ARSJ: variants seen among roughly 807,000 people sequenced by gnomAD.
ARSJ encodes the protein arylsulfatase J.
In ARSJ, 26 loss-of-function variants were observed where a neutral mutation model predicts 35.9. The observed-to-expected ratio is 0.72, with a 90% CI of 0.53 to 1.00. The LOEUF is 1.00. Among genes scored for constraint, ARSJ ranks in the 50% least tolerant of loss-of-function variants. The pLI, the probability that ARSJ is intolerant of heterozygous loss-of-function variation, is 0.00. For missense variants in ARSJ, 667 were observed against 723.6 expected (o/e 0.92, Z 0.90); for synonymous variants, 294 against 267.6 (o/e 1.10, Z -0.96).
intron 1 of ARSJ, among the ~76,000 whole-genome samples, chr4:113,929,078 A>C (rs1406680145): frequency 6.6e-6 from 1 of 152,168 alleles, no homozygotes; most frequent in African/African-American, 2.4e-5. Flanking sequence ...GCCCAAATCA[A>C]GAAATTTAGC....
At chr4:113,951,649 G>A (rs1374550144) in intron 1 of ARSJ, among the ~76,000 whole-genome samples, 1 of 152,092 alleles carries the variant, frequency 6.6e-6, no homozygotes, top group Non-Finnish European at 1.5e-5. Flanking sequence ...TAGAAGAGGA[G>A]TTTATTTTAT....
chr4:113,957,799 T>A (rs1288148188), intron 1 of ARSJ, among the ~76,000 whole-genome samples: 1 of 152,084 alleles, frequency 6.6e-6, no homozygotes, highest in East Asian at 1.9e-4. Context: ...TCTACAAGGC[T>A]TAAAACATCT....
At chr4:113,951,077 AAC>A (rs1725835901) in intron 1 of ARSJ, among the ~76,000 whole-genome samples, 3 of 152,094 alleles carry the variant, frequency 2.0e-5, no homozygotes, top group African/African-American at 7.2e-5. Context: ...AGGCATTAGA[AAC>A]CCAGGGCAGT....
chr4:113,965,577 C>T (rs1172173898), intron 1 of ARSJ, among the ~76,000 whole-genome samples: 1 of 151,896 alleles, frequency 6.6e-6, no homozygotes, highest in South Asian at 2.1e-4. Flanking sequence ...TATAGATATA[C>T]ACATATATAG....
intron 1 of ARSJ, among the ~76,000 whole-genome samples, chr4:113,926,317 T>C (rs4266345): frequency 0.72 from 109,773 of 151,828 alleles, 40,235 homozygotes; most frequent in East Asian, 0.81. Flanking sequence ...CAGCCATTTC[T>C]CCTTCCATGC....
intron 1 of ARSJ, among the ~76,000 whole-genome samples, chr4:113,966,318 AT>A (rs1726889538): frequency 6.6e-6 from 1 of 150,378 alleles, no homozygotes; most frequent in Admixed American, 6.7e-5. Flanking sequence ...ACTTATACTC[AT>A]TTATGTGATG....
intron 1 of ARSJ, among the ~76,000 whole-genome samples, chr4:113,912,991 T>G (rs554521934): frequency 6.6e-6 from 1 of 152,238 alleles, no homozygotes; most frequent in African/African-American, 2.4e-5. Flanking sequence ...GGATTAAATA[T>G]AAATGTCAAA....
chr4:113,972,326 A>G lies in ARSJ; in HGVS notation c.398+6111T>C, dbSNP rs144650264. ...AAAAAACAAAAAAAAAAACCCCACC[A>G]TGATTTTCATCCCTATTTATTTAAG... is the stretch of plus-strand genomic sequence containing the variant. On this transcript the variant is annotated intron_variant, in intron 1 of 1. Coordinates refer to ENST00000315366, the MANE Select transcript of ARSJ (RefSeq NM_024590.4). Among the ~76,000 whole-genome samples, 19 of 143,864 alleles carry G rather than the reference A, an allele frequency of 1.3e-4. No individual in the cohort carries two copies. In the East Asian group the frequency reaches 3.8e-3, roughly 29 times the overall value. 94.4% of individuals were successfully genotyped at this position (143,864 alleles called of 152,430 possible). A position where few individuals can be genotyped will look rare whatever the true frequency, so the allele number is the denominator to read the frequency against.
At chr4:113,908,016 T>C (rs1421218572) in intron 1 of ARSJ, among the ~76,000 whole-genome samples, 1 of 152,074 alleles carries the variant, frequency 6.6e-6, no homozygotes, top group African/African-American at 2.4e-5. Flanking sequence ...TGACGATATA[T>C]CTGTACACCA....
At chr4:113,968,223 C>T (rs753700990) in intron 1 of ARSJ, among the ~76,000 whole-genome samples, 1 of 152,072 alleles carries the variant, frequency 6.6e-6, no homozygotes, top group South Asian at 2.1e-4. Context: ...AGTTATATGG[C>T]TGATGTCACA....
chr4:113,958,489 A>G (rs1726333076), intron 1 of ARSJ, among the ~76,000 whole-genome samples: 1 of 152,030 alleles, frequency 6.6e-6, no homozygotes, highest in Non-Finnish European at 1.5e-5. Flanking sequence ...TATTTGCACT[A>G]TGTTCTCCAA....
intron 1 of ARSJ, among the ~76,000 whole-genome samples, chr4:113,975,174 G>T (rs971573378): frequency 6.6e-6 from 1 of 152,114 alleles, no homozygotes; most frequent in Non-Finnish European, 1.5e-5. Context: ...TTGGGTAGGG[G>T]GTTGTTTTAA....
intron 1 of ARSJ, among the ~76,000 whole-genome samples, chr4:113,969,910 G>A (rs1727136222): frequency 6.6e-6 from 1 of 152,172 alleles, no homozygotes; most frequent in African/African-American, 2.4e-5. Flanking sequence ...CTGCTTAGGG[G>A]ACCAGCAAGG....
At chr4:113,914,885 A>G (rs1723196847) in intron 1 of ARSJ, among the ~76,000 whole-genome samples, 1 of 152,168 alleles carries the variant, frequency 6.6e-6, no homozygotes, top group African/African-American at 2.4e-5. Flanking sequence ...AAGAGAATAT[A>G]TTTGCTTATT....
At chr4:113,920,710 T>A (rs986688860) in intron 1 of ARSJ, among the ~76,000 whole-genome samples, 14 of 152,244 alleles carry the variant, frequency 9.2e-5, no homozygotes, top group Admixed American at 3.3e-4. Flanking sequence ...ATTATTAAAG[T>A]CCATGAGGGG....
intron 1 of ARSJ, among the ~76,000 whole-genome samples, chr4:113,958,767 C>T (rs558215017): frequency 6.6e-6 from 1 of 152,102 alleles, no homozygotes; most frequent in Non-Finnish European, 1.5e-5. Context: ...AAATTTACCT[C>T]TCTCATTTCT....
intron 1 of ARSJ, among the ~76,000 whole-genome samples, chr4:113,934,931 C>G (rs1049494466): frequency 6.6e-6 from 1 of 151,716 alleles, no homozygotes; most frequent in Non-Finnish European, 1.5e-5. Flanking sequence ...CAAACTAAAC[C>G]ACTTTTCCAG....
intron 1 of ARSJ, among the ~76,000 whole-genome samples, chr4:113,973,222 T>C (rs1219935989): frequency 6.6e-6 from 1 of 152,212 alleles, no homozygotes; most frequent in Non-Finnish European, 1.5e-5. Flanking sequence ...CTCATTACCA[T>C]ATAATTTTCA....
intron 1 of ARSJ, among the ~76,000 whole-genome samples, chr4:113,967,559 T>C (rs1018052687): frequency 3.3e-5 from 5 of 152,180 alleles, no homozygotes; most frequent in African/African-American, 7.2e-5. Context: ...AAGGTTTCAC[T>C]TGAAGTGTGG....
Sources: gnomAD v4.1 joint callset for allele counts (sites outside exome capture counted in the v4.1 genomes callset) on GRCh38, gnomAD v4.1.1 for gene constraint, MANE v1.5 for transcripts, NCBI Gene and HGNC (gene_info 2026-07-23, HGNC 2026-07-21) for gene names.